LRRC1: variants seen among roughly 807,000 people sequenced by gnomAD.
The protein encoded by LRRC1 is leucine rich repeat containing 1.
Under a neutral mutation model 69.9 loss-of-function variants are expected in LRRC1, and 28 were observed. The ratio of observed to expected loss-of-function variants is 0.40; its 90% confidence interval spans 0.30 to 0.55. The LOEUF (loss-of-function observed/expected upper bound fraction) is 0.55, where lower values mean the gene tolerates loss of function less well. Among genes scored for constraint, LRRC1 ranks in the 20% least tolerant of loss-of-function variants. The pLI is 0.47. For synonymous variants in LRRC1, 236 were observed against 240.2 expected (o/e 0.98, Z 0.16); for missense variants, 498 against 609.0 (o/e 0.82, Z 1.92).
intron 2 of LRRC1, among the ~76,000 whole-genome samples, chr6:53,848,610 A>G (rs1766023437): frequency 6.6e-6 from 1 of 152,208 alleles, no homozygotes; most frequent in Non-Finnish European, 1.5e-5. Flanking sequence ...TCAGAGGGTC[A>G]AGTGATCTTC....
chr6:53,885,377 G>A (rs1767439832), intron 4 of LRRC1, among the ~76,000 whole-genome samples: 2 of 152,180 alleles, frequency 1.3e-5, no homozygotes, highest in Admixed American at 6.5e-5. Flanking sequence ...AGCACATTTA[G>A]TTAACCAATA....
At chr6:53,797,857 T>C (rs966598423) in intron 1 of LRRC1, among the ~76,000 whole-genome samples, 7 of 152,376 alleles carry the variant, frequency 4.6e-5, no homozygotes, top group Non-Finnish European at 1.0e-4. Flanking sequence ...TAGATGCAGT[T>C]GCTGGTGGGT....
chr6:53,816,567 A>C (rs1349179917), intron 1 of LRRC1, among the ~76,000 whole-genome samples: 3 of 152,184 alleles, frequency 2.0e-5, no homozygotes, highest in Non-Finnish European at 4.4e-5. Context: ...AGAGTTACCC[A>C]AATCAAAACA....
chr6:53,875,913 C>T (rs1221513287), intron 2 of LRRC1, among the ~76,000 whole-genome samples: 3 of 152,174 alleles, frequency 2.0e-5, no homozygotes, highest in Non-Finnish European at 4.4e-5. Context: ...ATCCTCCTTT[C>T]ACCCATTTGA....
chr6:53,824,997 A>G (rs1765217222), intron 1 of LRRC1, among the ~76,000 whole-genome samples: 1 of 152,152 alleles, frequency 6.6e-6, no homozygotes, highest in African/African-American at 2.4e-5. Context: ...ACGCCAGTCT[A>G]ATTCTTTCAC....
In LRRC1 at chr6:53,922,658, T is replaced by C; in HGVS notation, c.1440T>C (p.Thr480=). The part of the protein sequence containing the change: ...NETRTLLRRA[T]PHPGELKHMK... ...AGAGAACACTTCTAAGGCGAGCCAC[T>C]CCACACCCAGGGGAGTTAAAGCACA... The change falls in exon 14 of 14, where the codon ACT becomes ACC. Residue 480 remains threonine, a synonymous_variant. Transcript: ENST00000370888. The C allele has an allele frequency of 3.1e-6, 5 of 1,613,926 alleles. No individual in the cohort carries two copies. The highest frequency in any genetic ancestry group is 4.2e-6 in the Non-Finnish European group (5 of 1,179,856).
At chr6:53,872,773 T>TTG (rs1766935081) in intron 2 of LRRC1, among the ~76,000 whole-genome samples, 1 of 148,438 alleles carries the variant, frequency 6.7e-6, no homozygotes, top group Non-Finnish European at 1.5e-5. Flanking sequence ...TTTTTTTTTT[T>TTG]GGAGACAGAG....
chr6:53,846,545 T>G (rs774957436), intron 2 of LRRC1, among the ~76,000 whole-genome samples: 5 of 152,124 alleles, frequency 3.3e-5, no homozygotes, highest in Non-Finnish European at 5.9e-5. Context: ...CCAGTGAGAG[T>G]CAAGGAAAGT....
chr6:53,804,219 G>A (rs560905530), intron 1 of LRRC1, among the ~76,000 whole-genome samples: 8 of 152,218 alleles, frequency 5.3e-5, no homozygotes, highest in South Asian at 2.1e-4. Flanking sequence ...GATATCATCC[G>A]TTAACAATTT....
chr6:53,892,408 T>A (rs185223553), intron 4 of LRRC1, among the ~76,000 whole-genome samples: 10 of 152,322 alleles, frequency 6.6e-5, no homozygotes, highest in African/African-American at 2.4e-4. Flanking sequence ...TAATACCATG[T>A]TTAACTGAAA....
chr6:53,843,577 T>G (rs977368025), intron 2 of LRRC1, among the ~76,000 whole-genome samples: 6 of 152,280 alleles, frequency 3.9e-5, no homozygotes, highest in African/African-American at 1.4e-4. Context: ...AACAAAACTT[T>G]TTTGGGGGAG....
chr6:53,870,968 T>C (rs948866064), intron 2 of LRRC1, among the ~76,000 whole-genome samples: 3 of 152,232 alleles, frequency 2.0e-5, no homozygotes, highest in African/African-American at 7.2e-5. Flanking sequence ...ATGACATTGA[T>C]TTCATTCTTT....
rs971687912 is a variant in LRRC1, at chr6:53,811,106, G to C, written c.159+15691G>C. Among the ~76,000 whole-genome samples the C allele has an allele frequency of 3.3e-5, 5 of 152,272 alleles. 1 individual carries two copies. The South Asian group carries it at 1.0e-3, about 32-fold the overall frequency. Reference sequence around the variant, plus strand: ...TTTTTTTCATTAAAAAATATATTTTGTATGGAGTAGTTTAGATACGTAACT... The same window carrying C: ...TTTTTTTCATTAAAAAATATATTTTCTATGGAGTAGTTTAGATACGTAACT... On this transcript the variant is annotated intron_variant, in intron 1 of 13. Coordinates refer to ENST00000370888, the MANE Select transcript of LRRC1 (RefSeq NM_018214.5).
intron 2 of LRRC1, among the ~76,000 whole-genome samples, chr6:53,877,313 C>T (rs1304327302): frequency 1.3e-5 from 2 of 152,170 alleles, no homozygotes; most frequent in African/African-American, 4.8e-5. Flanking sequence ...TCCTAGGCCT[C>T]TGGGCCTGTG....
chr6:53,846,116 G>A (rs1056302503), intron 2 of LRRC1, among the ~76,000 whole-genome samples: 1 of 152,182 alleles, frequency 6.6e-6, no homozygotes, highest in African/African-American at 2.4e-5. Flanking sequence ...CTTTAAAGAC[G>A]TTTGTAAATG....
intron 1 of LRRC1, among the ~76,000 whole-genome samples, chr6:53,802,956 C>T (rs60637604): frequency 0.017 from 2,531 of 152,232 alleles, 72 homozygotes; most frequent in African/African-American, 0.058. Context: ...TAGAGTCATG[C>T]TTTTAGTATG....
chr6:53,851,961 A>G (rs1766151659), intron 2 of LRRC1, among the ~76,000 whole-genome samples: 1 of 152,250 alleles, frequency 6.6e-6, no homozygotes, highest in African/African-American at 2.4e-5. Flanking sequence ...TTTAAAAACT[A>G]CATTCTTAAA....
At chr6:53,808,445 T>C (rs983357240) in intron 1 of LRRC1, among the ~76,000 whole-genome samples, 19 of 151,992 alleles carry the variant, frequency 1.3e-4, no homozygotes, top group Admixed American at 1.2e-3. Context: ...ACCTGGGTAA[T>C]TGATAATTAT....
chr6:53,922,995 ATTTT>A lies in LRRC1; in HGVS notation c.*213_*216del. On this transcript the variant is annotated 3_prime_UTR_variant, in exon 14 of 14. Coordinates refer to ENST00000370888, the MANE Select transcript of LRRC1 (RefSeq NM_018214.5). ...AGCGCACCAGTGGTCTCCCGGTGTG[ATTTT>A]TTTTTTTTTTAATTTCAGTTGTTTG... 1.3e-5 allele frequency: 5 copies of A among 399,918 alleles called. No individual in the cohort carries two copies. Among genetic ancestry groups the A allele is most frequent in the South Asian group, 1.4e-4 (2 of 14,212 alleles). The allele number at this position is 399,918 out of a possible 1,614,324, so 24.8% of individuals were successfully genotyped here. A position where few individuals can be genotyped will look rare whatever the true frequency, so the allele number is the denominator to read the frequency against.
Sources: gnomAD v4.1 joint callset for allele counts (sites outside exome capture counted in the v4.1 genomes callset) on GRCh38, gnomAD v4.1.1 for gene constraint, MANE v1.5 for transcripts, NCBI Gene and HGNC (gene_info 2026-07-23, HGNC 2026-07-21) for gene names.